ARSB: variants seen among roughly 807,000 people sequenced by gnomAD.
The protein encoded by ARSB is arylsulfatase B, also known as N-acetylgalactosamine-4-sulfatase.
A neutral mutation model predicts 50.9 loss-of-function variants in ARSB; 41 were observed. That is an observed-to-expected ratio of 0.81 (90% CI 0.63 to 1.04). ARSB has a LOEUF of 1.04. Among genes scored for constraint, ARSB ranks in the 50% least tolerant of loss-of-function variants. The pLI, the probability that ARSB is intolerant of heterozygous loss-of-function variation, is 0.00. For synonymous variants in ARSB, 269 were observed against 284.8 expected, an observed-to-expected ratio of 0.94 and a Z score of 0.56; for missense variants, 672 against 693.3, an observed-to-expected ratio of 0.97 and a Z score of 0.35.
chr5:78,941,487 A>G (rs1274466834), intron 4 of ARSB, among the ~76,000 whole-genome samples: 3 of 152,186 alleles, frequency 2.0e-5, no homozygotes, highest in Non-Finnish European at 4.4e-5. Flanking sequence ...AGTTTTTAGC[A>G]TGAAGGGTTG....
intron 5 of ARSB, among the ~76,000 whole-genome samples, chr5:78,868,093 A>G (rs1232291998): frequency 4.0e-4 from 58 of 145,440 alleles, no homozygotes; most frequent in Non-Finnish European, 6.2e-4. Flanking sequence ...GAAATGAAGC[A>G]AGAAGGGACG....
At chr5:78,951,102 C>T (rs936026376) in intron 4 of ARSB, among the ~76,000 whole-genome samples, 3 of 152,108 alleles carry the variant, frequency 2.0e-5, no homozygotes, top group Non-Finnish European at 4.4e-5. Context: ...CGCTTAATTT[C>T]TTTAAGCGGC....
At chr5:78,881,335 T>C (rs1747736828) in intron 5 of ARSB, among the ~76,000 whole-genome samples, 1 of 151,502 alleles carries the variant, frequency 6.6e-6, no homozygotes, top group African/African-American at 2.4e-5. Flanking sequence ...AAAATATTTC[T>C]GAACAAAAAA....
At chr5:78,890,603 T>G in intron 4 of ARSB, among the ~76,000 whole-genome samples, 1 of 152,174 alleles carries the variant, frequency 6.6e-6, no homozygotes, top group East Asian at 1.9e-4. Context: ...CAGAGGTGTT[T>G]GTAAAACCCA....
chr5:78,934,938 AT>A (rs966404595), intron 4 of ARSB, among the ~76,000 whole-genome samples: 6 of 152,140 alleles, frequency 3.9e-5, no homozygotes, highest in African/African-American at 1.4e-4. Flanking sequence ...TATAATTTTG[AT>A]TTTTCTAGTA....
intron 4 of ARSB, among the ~76,000 whole-genome samples, chr5:78,898,905 T>C (rs946606759): frequency 2.0e-5 from 3 of 152,258 alleles, no homozygotes; most frequent in African/African-American, 7.2e-5. Flanking sequence ...CTGTAGGTTT[T>C]ATACTTTGAA....
rs373575993 is a variant in ARSB at position 78,825,700 on chromosome 5, AT to A, written c.1213+13655del. On this transcript the variant is annotated intron_variant, in intron 6 of 7. Coordinates refer to ENST00000264914, the MANE Select transcript of ARSB (RefSeq NM_000046.5). ...CTGACTTTCTCATTCCTCTTTTATT[AT>A]TTTTTTCTTTTTTGAGAAAGAAGCT... 2.3e-4 allele frequency among the ~76,000 whole-genome samples: 35 copies of A among 152,208 alleles called. No homozygotes were observed. In the East Asian group the frequency reaches 6.0e-3, roughly 26 times the overall value.
chr5:78,856,885 T>A (rs1746176784), intron 5 of ARSB, among the ~76,000 whole-genome samples: 1 of 152,190 alleles, frequency 6.6e-6, no homozygotes, highest in Non-Finnish European at 1.5e-5. Flanking sequence ...TCATAAGAAG[T>A]ATAGCATTGT....
chr5:78,917,064 G>A (rs1429996621), intron 4 of ARSB, among the ~76,000 whole-genome samples: 3 of 152,196 alleles, frequency 2.0e-5, no homozygotes, highest in Non-Finnish European at 4.4e-5. Flanking sequence ...AGGGAAAAGG[G>A]AGAGGGTGCA....
At chr5:78,978,800 C>A (rs1034888819) in intron 1 of ARSB, among the ~76,000 whole-genome samples, 1 of 152,128 alleles carries the variant, frequency 6.6e-6, no homozygotes, top group African/African-American at 2.4e-5. Flanking sequence ...TACATGCATC[C>A]ACATACCTCA....
At chr5:78,921,378 GTGTGTATACACACACATATATGTGTA>G (rs1232536592) in intron 4 of ARSB, among the ~76,000 whole-genome samples, 3 of 148,966 alleles carry the variant, frequency 2.0e-5, no homozygotes, top group African/African-American at 7.3e-5. Flanking sequence ...GCGTGTGTGT[GTGTGTATACACACACATATATGTGTA>G]TGTACATACA....
At chr5:78,831,537 A>T (rs1237626727) in intron 6 of ARSB, among the ~76,000 whole-genome samples, 4 of 152,178 alleles carry the variant, frequency 2.6e-5, no homozygotes, top group African/African-American at 9.7e-5. Context: ...AGGTGAGATG[A>T]TCGTAACTCA....
intron 4 of ARSB, among the ~76,000 whole-genome samples, chr5:78,926,230 G>T (rs1271804455): frequency 6.6e-6 from 1 of 152,160 alleles, no homozygotes; most frequent in Non-Finnish European, 1.5e-5. Context: ...CACCAAGGAA[G>T]AAAGGATAGC....
chr5:78,884,547 T>TC (rs5868942), intron 5 of ARSB: 23,031 of 152,010 alleles, frequency 0.15, 1,980 homozygotes, highest in South Asian at 0.24. Flanking sequence ...GGAAGTCCTC[T>TC]CCCCCTGGCC....
At chr5:78,800,397 A>C (rs2112644418) in intron 6 of ARSB, among the ~76,000 whole-genome samples, 1 of 149,894 alleles carries the variant, frequency 6.7e-6, no homozygotes, top group Admixed American at 6.7e-5. Context: ...GCACTCACAG[A>C]CTCCCCTCTC....
intron 2 of ARSB, among the ~76,000 whole-genome samples, chr5:78,968,360 A>T (rs962398245): frequency 3.6e-5 from 4 of 110,918 alleles, no homozygotes; most frequent in Non-Finnish European, 7.8e-5. Context: ...TATTATTATT[A>T]TTTTTGAGAC....
chr5:78,861,458 A>G (rs1400025607), intron 5 of ARSB, among the ~76,000 whole-genome samples: 1 of 152,224 alleles, frequency 6.6e-6, no homozygotes, highest in Non-Finnish European at 1.5e-5. Context: ...CTGGTTCAAC[A>G]TATGCAAATC....
At chr5:78,943,061 T>C (rs867619402) in intron 4 of ARSB, among the ~76,000 whole-genome samples, 4 of 152,356 alleles carry the variant, frequency 2.6e-5, no homozygotes, top group Middle Eastern at 3.4e-3. Flanking sequence ...CTTTGATCTT[T>C]GTTGGTTTAA....
At chr5:78,852,774 C>G (rs1745893561) in intron 5 of ARSB, among the ~76,000 whole-genome samples, 1 of 152,046 alleles carries the variant, frequency 6.6e-6, no homozygotes, top group Non-Finnish European at 1.5e-5. Context: ...TCTTTTTTCT[C>G]TAAACTTCCC....
Sources: allele counts gnomAD v4.1 joint callset (sites outside exome capture counted in the v4.1 genomes callset), GRCh38; gene constraint gnomAD v4.1.1; transcripts MANE v1.5; gene names NCBI Gene and HGNC (gene_info 2026-07-23, HGNC 2026-07-21).